Variants in NIBAN1 observed in about 807,000 individuals in gnomAD.
NIBAN1 encodes niban apoptosis regulator 1.
In NIBAN1, 81 loss-of-function variants were observed where a neutral mutation model predicts 75.1. The ratio of observed to expected loss-of-function variants is 1.08; its 90% CI spans 0.90 to 1.30. The LOEUF (loss-of-function observed/expected upper bound fraction) is 1.30, where lower values mean the gene tolerates loss of function less well. Ranked by LOEUF, NIBAN1 falls within the 50% of genes most tolerant of loss-of-function variation. NIBAN1 has a pLI of 0.00. For synonymous variants in NIBAN1, 436 were observed against 424.8 expected, an observed-to-expected ratio of 1.03 and a Z score of -0.32; for missense variants, 1,133 against 1,128.1, an observed-to-expected ratio of 1.00 and a Z score of -0.06.
At chr1:184,948,336 A>C (rs1213752846) in intron 1 of NIBAN1, among the ~76,000 whole-genome samples, 1 of 152,216 alleles carries the variant, frequency 6.6e-6, no homozygotes, top group East Asian at 1.9e-4. Context: ...AATAGGACAG[A>C]TATCCTGGAA....
intron 9 of NIBAN1, among the ~76,000 whole-genome samples, chr1:184,813,925 C>T (rs1016569832): frequency 1.3e-5 from 2 of 152,014 alleles, no homozygotes; most frequent in South Asian, 4.1e-4. Context: ...AGGTTTTTAC[C>T]AAAAGTAAAA....
chr1:184,949,241 C>T (rs1658302136), intron 1 of NIBAN1, among the ~76,000 whole-genome samples: 1 of 152,150 alleles, frequency 6.6e-6, no homozygotes, highest in African/African-American at 2.4e-5. Flanking sequence ...GCCTATAGTC[C>T]CAGCTACGTG....
rs188057403 is a variant in NIBAN1 at position 184,940,635 on chromosome 1, T to C, written c.55+33667A>G. Among the ~76,000 whole-genome samples the C allele has an allele frequency of 2.6e-5, 4 of 152,330 alleles. No homozygotes were observed. In the East Asian group the frequency reaches 5.8e-4, roughly 22 times the overall value. On this transcript the variant is annotated intron_variant, in intron 1 of 13. Coordinates refer to ENST00000367511, the MANE Select transcript of NIBAN1 (RefSeq NM_052966.4). ...GCTAGGGGGAGAACTAGTGTTGTCTTAAAACCTTCTGATAATAATATGATT... is the reference window on the plus strand; with the variant it reads ...GCTAGGGGGAGAACTAGTGTTGTCTCAAAACCTTCTGATAATAATATGATT...
intron 1 of NIBAN1, among the ~76,000 whole-genome samples, chr1:184,926,289 G>A (rs1657683912): frequency 6.6e-6 from 1 of 152,168 alleles, no homozygotes; most frequent in Non-Finnish European, 1.5e-5. Context: ...CCAGGCTGGA[G>A]TGCAGTGGTG....
At chr1:184,923,052 G>A (rs1000867668) in intron 1 of NIBAN1, among the ~76,000 whole-genome samples, 1 of 152,168 alleles carries the variant, frequency 6.6e-6, no homozygotes, top group African/African-American at 2.4e-5. Context: ...TTGCTGTGCA[G>A]AAGCCTTCTA....
At chr1:184,881,078 CATGAAAGT>C (rs1274629389) in intron 5 of NIBAN1, among the ~76,000 whole-genome samples, 1 of 151,480 alleles carries the variant, frequency 6.6e-6, no homozygotes, top group African/African-American at 2.4e-5. Context: ...GCAAAACACC[CATGAAAGT>C]GCACATGTGA....
intron 5 of NIBAN1, among the ~76,000 whole-genome samples, chr1:184,881,741 A>G (rs1020040886): frequency 6.6e-6 from 1 of 152,178 alleles, no homozygotes; most frequent in African/African-American, 2.4e-5. Context: ...TAACTTCCTG[A>G]CGTTGCCATG....
intron 5 of NIBAN1, among the ~76,000 whole-genome samples, chr1:184,873,664 C>T (rs1656165906): frequency 6.6e-6 from 1 of 152,206 alleles, no homozygotes; most frequent in Admixed American, 6.5e-5. Context: ...CTTTGTTGAG[C>T]CACTTCTCCA....
intron 5 of NIBAN1, among the ~76,000 whole-genome samples, chr1:184,882,352 T>C (rs1656399352): frequency 6.6e-6 from 1 of 152,164 alleles, no homozygotes; most frequent in African/African-American, 2.4e-5. Context: ...TACATCATGC[T>C]GTCAAAAACA....
intron 8 of NIBAN1, among the ~76,000 whole-genome samples, chr1:184,820,818 G>C (rs1255791315): frequency 2.0e-5 from 3 of 152,342 alleles, no homozygotes; most frequent in Non-Finnish European, 4.4e-5. Flanking sequence ...GTAAAATGGA[G>C]ATCATAAAAG....
At chr1:184,807,360 A>T (rs866260641) in intron 10 of NIBAN1, among the ~76,000 whole-genome samples, 1 of 151,996 alleles carries the variant, frequency 6.6e-6, no homozygotes, top group South Asian at 2.1e-4. Flanking sequence ...GACTCAAGAA[A>T]TTCAAATATG....
chr1:184,964,310 GA>G (rs1286194168), intron 1 of NIBAN1, among the ~76,000 whole-genome samples: 1 of 152,172 alleles, frequency 6.6e-6, no homozygotes, highest in African/African-American at 2.4e-5. Context: ...AAGAAAACCA[GA>G]AGGCTTAAAA....
chr1:184,958,949 T>A (rs1193331235), intron 1 of NIBAN1, among the ~76,000 whole-genome samples: 1 of 152,236 alleles, frequency 6.6e-6, no homozygotes, highest in Non-Finnish European at 1.5e-5. Flanking sequence ...ATTTTTCCTG[T>A]ATAACTTGTG....
chr1:184,832,143 C>T (rs1655016782), intron 5 of NIBAN1, among the ~76,000 whole-genome samples, 181 bp from the exon 6 acceptor site: 1 of 152,194 alleles, frequency 6.6e-6, no homozygotes, highest in Admixed American at 6.5e-5. Flanking sequence ...GTACATCACA[C>T]TACTTGTTCA....
chr1:184,953,563 C>T (rs188291213), intron 1 of NIBAN1, among the ~76,000 whole-genome samples: 2 of 152,264 alleles, frequency 1.3e-5, no homozygotes, highest in African/African-American at 4.8e-5. Flanking sequence ...TGGAGAAATG[C>T]TGAGTTTGGT....
At chr1:184,810,968 C>T (rs644729) in intron 9 of NIBAN1, among the ~76,000 whole-genome samples, 6,171 of 152,248 alleles carry the variant, frequency 0.041, 239 homozygotes, top group East Asian at 0.1. Flanking sequence ...TCTCTCAGAG[C>T]GGCTGGGGAT....
rs1654252779 is a variant in NIBAN1 at position 184,807,959 on chromosome 1, A to G, written c.1335+115T>C. 3.3e-6 allele frequency: 4 copies of G among 1,223,358 alleles called. No individual in the cohort carries two copies. In the South Asian group the frequency reaches 4.9e-5, roughly 15 times the overall value. 75.8% of individuals were successfully genotyped at this position (1,223,358 alleles called of 1,614,324 possible). On this transcript the variant is annotated intron_variant, in intron 10 of 13. Coordinates refer to ENST00000367511, the MANE Select transcript of NIBAN1 (RefSeq NM_052966.4). ...CGTGTCCTCCCGCAACATGATGGCT[A>G]AAGAGACGCGACGTATTTCCCTGAG...
intron 11 of NIBAN1, among the ~76,000 whole-genome samples, chr1:184,804,690 G>A (rs920296405): frequency 1.3e-5 from 2 of 151,278 alleles, no homozygotes; most frequent in Admixed American, 1.3e-4. Context: ...GTACGCTAAA[G>A]CATTTGACAC....
At chr1:184,898,485 G>A (rs962609470) in intron 2 of NIBAN1, among the ~76,000 whole-genome samples, 7 of 151,944 alleles carry the variant, frequency 4.6e-5, no homozygotes, top group African/African-American at 1.7e-4. Context: ...GTGTGGTGGT[G>A]CGCACCTGTA....
Sources: gnomAD v4.1 joint callset for allele counts (sites outside exome capture counted in the v4.1 genomes callset) on GRCh38, gnomAD v4.1.1 for gene constraint, MANE v1.5 for transcripts, NCBI Gene and HGNC (gene_info 2026-07-23, HGNC 2026-07-21) for gene names.